Variants in USP54 observed in about 807,000 individuals in gnomAD.
USP54 encodes the protein ubiquitin specific peptidase 54.
Under a neutral mutation model 170.5 loss-of-function variants are expected in USP54, and 87 were observed. The ratio of observed to expected loss-of-function variants is 0.51; its 90% CI spans 0.43 to 0.61. The LOEUF (loss-of-function observed/expected upper bound fraction) is 0.61. Ranked by LOEUF, USP54 falls within the 20% of genes least tolerant of loss-of-function variation. The pLI is 0.00. For missense variants in USP54, 1,786 were observed against 2,047.8 expected, an observed-to-expected ratio of 0.87 and a Z score of 2.47; for synonymous variants, 655 against 742.8, an observed-to-expected ratio of 0.88 and a Z score of 1.92.
Position 73,556,335 on chromosome 10 carries a change from CT to C in USP54, c.241-10664del, listed in dbSNP as rs998793953. ...ATTAATAATGAACAATGGGTAATTTCTTTTTTTTTCTTTTTTTTTTTTTTTT... is the reference window on the plus strand; with the variant it reads ...ATTAATAATGAACAATGGGTAATTTCTTTTTTTTCTTTTTTTTTTTTTTTT... On this transcript the variant is annotated intron_variant, in intron 4 of 23. Coordinates refer to ENST00000687698, the MANE Select transcript of USP54 (RefSeq NM_001391956.1). 1.1e-4 allele frequency among the ~76,000 whole-genome samples: 16 copies of C among 145,610 alleles called. No individual in the cohort carries two copies. In the South Asian group the frequency reaches 1.3e-3, roughly 12 times the overall value.
intron 22 of USP54, 75 bp from the exon 23 acceptor site, chr10:73,500,913 T>C: frequency 2.0e-6 from 3 of 1,481,134 alleles, no homozygotes; most frequent in Non-Finnish European, 2.7e-6. Context: ...GTAAACACAG[T>C]GAGGCAAGCA....
intron 10 of USP54, chr10:73,538,083 T>G (rs1417948454): frequency 6.6e-6 from 1 of 151,974 alleles, no homozygotes; most frequent in Non-Finnish European, 1.5e-5. Flanking sequence ...TACGCGCCCG[T>G]AATCCCAGCT....
intron 4 of USP54, among the ~76,000 whole-genome samples, chr10:73,554,584 C>T (rs1028242641): frequency 2.0e-5 from 3 of 152,278 alleles, no homozygotes; most frequent in Non-Finnish European, 4.4e-5. Context: ...AAAATAATAA[C>T]ATAGGATTTT....
At chr10:73,529,567 G>C (rs1248920195) in intron 15 of USP54, 113 bp downstream of exon 15, 2 of 1,173,514 alleles carry the variant, frequency 1.7e-6, no homozygotes, top group Non-Finnish European at 2.5e-6. Flanking sequence ...AGAGCACATA[G>C]AGATAATAGC....
intron 3 of USP54, among the ~76,000 whole-genome samples, chr10:73,573,327 A>G (rs576346661): frequency 1.3e-5 from 2 of 152,168 alleles, no homozygotes; most frequent in Non-Finnish European, 2.9e-5. Context: ...AAGAAAACTA[A>G]TATGCATCAT....
intron 1 of USP54, chr10:73,611,574 T>C (rs1015121078): frequency 2.6e-5 from 4 of 151,022 alleles, no homozygotes; most frequent in East Asian, 2.0e-4. Flanking sequence ...GTGCATCCCT[T>C]GACATCAGGA....
intron 20 of USP54, among the ~76,000 whole-genome samples, chr10:73,511,096 CTTTTTTTTT>C (rs777196673): frequency 5.8e-5 from 7 of 121,564 alleles, no homozygotes; most frequent in Non-Finnish European, 1.2e-4. Context: ...ATGAAAACAC[CTTTTTTTTT>C]TTTTTTTTTT....
chr10:73,592,305 T>C (rs1222398789), upstream of USP54, among the ~76,000 whole-genome samples: 2 of 152,148 alleles, frequency 1.3e-5, no homozygotes, highest in Non-Finnish European at 2.9e-5. Flanking sequence ...GTTGTGTTTC[T>C]ATAGGTTGAG....
intron 20 of USP54, among the ~76,000 whole-genome samples, chr10:73,510,533 C>T (rs1170751660): frequency 6.7e-6 from 1 of 149,774 alleles, no homozygotes; most frequent in African/African-American, 2.5e-5. Flanking sequence ...CAACCTCCAT[C>T]TCCTGGGTTC....
intron 1 of USP54, among the ~76,000 whole-genome samples, chr10:73,602,944 C>G (rs2132273396): frequency 6.7e-6 from 1 of 148,298 alleles, no homozygotes; most frequent in South Asian, 2.1e-4. Flanking sequence ...AGTTATTCAA[C>G]AAACATTTCT....
intron 3 of USP54, among the ~76,000 whole-genome samples, chr10:73,572,413 A>G (rs900239175): frequency 1.3e-5 from 2 of 152,232 alleles, no homozygotes; most frequent in Non-Finnish European, 2.9e-5. Context: ...TGTAGTATAT[A>G]GCATAATGCC....
At chr10:73,509,172 G>T (rs919189849) in intron 20 of USP54, among the ~76,000 whole-genome samples, 56 of 143,860 alleles carry the variant, frequency 3.9e-4, no homozygotes, top group African/African-American at 1.4e-3. Context: ...TGTCTTGTTT[G>T]AATCCTGACT....
chr10:73,540,889 A>G (rs887142552), intron 9 of USP54, among the ~76,000 whole-genome samples: 1 of 152,228 alleles, frequency 6.6e-6, no homozygotes, highest in African/African-American at 2.4e-5. Flanking sequence ...GGTTTTCTTT[A>G]GTCCCAGTAT....
Position 73,500,864 on chromosome 10 carries a change from CAT to C in USP54, c.4312-28_4312-27del, listed in dbSNP as rs770456951. 6.9e-6 allele frequency: 11 copies of C among 1,584,898 alleles called. No homozygotes were observed. The African/African-American group carries it at 1.4e-4, about 20-fold the overall frequency. ...CTTATAATGAGACAAGACAAAAAAACATAGAGATGAGGATTAACACAAAGCAG... is the reference window on the plus strand; with the variant it reads ...CTTATAATGAGACAAGACAAAAAAACAGAGATGAGGATTAACACAAAGCAG... On this transcript the variant is annotated intron_variant, in intron 22 of 23. Coordinates refer to ENST00000687698, the MANE Select transcript of USP54 (RefSeq NM_001391956.1).
At chr10:73,505,219 G>T in intron 21 of USP54, 89 bp downstream of exon 21, 1 of 1,362,188 alleles carries the variant, frequency 7.3e-7, no homozygotes, top group Non-Finnish European at 1.0e-6. Flanking sequence ...CCATGCCTCT[G>T]CCTTATCATC....
At chr10:73,530,623 G>A (rs1296549133) in intron 13 of USP54, 81 bp downstream of exon 13, 2 of 1,583,386 alleles carry the variant, frequency 1.3e-6, no homozygotes, top group Non-Finnish European at 1.7e-6. Flanking sequence ...TGAACAGAAA[G>A]GAGAAGCCAA....
At chr10:73,570,550 CTTTTTTT>C (rs554652532) in intron 4 of USP54, among the ~76,000 whole-genome samples, 3 of 132,260 alleles carry the variant, frequency 2.3e-5, no homozygotes, top group African/African-American at 5.6e-5. Flanking sequence ...TTTCCTTTTT[CTTTTTTT>C]TTTTTTTTTT....
chr10:73,505,363 G>C lies in USP54; in HGVS notation c.4115C>G (p.Ser1372Ter), dbSNP rs569619322. The C allele has an allele frequency of 1.1e-5, 18 of 1,614,074 alleles. No homozygotes were observed. Among genetic ancestry groups the C allele is most frequent in the Non-Finnish European group, 1.4e-5 (17 of 1,180,022 alleles). ...GAGACCATGCTCCATTTCTGCTGTT[G>C]AAGTCTTTGAGAGACCAGGATCATG... ...SAHDPGLSKT[S>*]TAEMEHGLHE... is the part of the protein sequence containing the mutation. The change falls in exon 21 of 24, where the codon TCA (serine) becomes TGA (stop). Residue 1372 changes from serine (S) to a stop codon, truncating the protein, a stop_gained. Coordinates refer to ENST00000687698, the MANE Select transcript of USP54 (RefSeq NM_001391956.1). LOFTEE classifies it high-confidence loss of function.
chr10:73,582,313 G>T (rs1338744549), intron 1 of USP54, among the ~76,000 whole-genome samples: 1 of 152,090 alleles, frequency 6.6e-6, no homozygotes, highest in East Asian at 1.9e-4. Context: ...AGACTAGATA[G>T]AATTTGTTCG....
Sources: allele counts gnomAD v4.1 joint callset (sites outside exome capture counted in the v4.1 genomes callset), GRCh38; gene constraint gnomAD v4.1.1; transcripts MANE v1.5; gene names NCBI Gene and HGNC (gene_info 2026-07-23, HGNC 2026-07-21).